The following LHFPL3 variants were observed in gnomAD, a reference collection of about 807,000 sequenced individuals.
LHFPL3 encodes the protein LHFPL tetraspan subfamily member 3, also known as LHFPL tetraspan subfamily member 3 protein.
In LHFPL3, 5 loss-of-function variants were observed where a neutral mutation model predicts 19.3. The observed-to-expected ratio is 0.26, with a 90% confidence interval of 0.14 to 0.54. The LOEUF (loss-of-function observed/expected upper bound fraction) is 0.54, where lower values mean the gene tolerates loss of function less well. LHFPL3 is among the 20% of genes least tolerant of loss of function. The pLI is 0.94. For missense variants in LHFPL3, 249 were observed against 307.4 expected (o/e 0.81, Z 1.42); for synonymous variants, 133 against 126.2 (o/e 1.05, Z -0.36).
chr7:104,583,188 C>T (rs1790496115), intron 1 of LHFPL3, among the ~76,000 whole-genome samples: 1 of 152,072 alleles, frequency 6.6e-6, no homozygotes, highest in Admixed American at 6.6e-5. Context: ...TTTGACAAAC[C>T]TGACAAAAAC....
intron 2 of LHFPL3, among the ~76,000 whole-genome samples, chr7:104,807,008 T>C (rs1790371960): frequency 1.9e-5 from 2 of 104,946 alleles, no homozygotes; most frequent in South Asian, 6.7e-4. Flanking sequence ...CACCAAAATA[T>C]ATATGTGTGT....
chr7:104,834,562 T>C (rs1467985469), intron 2 of LHFPL3, among the ~76,000 whole-genome samples: 1 of 151,990 alleles, frequency 6.6e-6, no homozygotes, highest in East Asian at 1.9e-4. Context: ...GATGGCAAGT[T>C]CAGCTGCTGA....
chr7:104,830,208 T>C (rs1179385069), intron 2 of LHFPL3, among the ~76,000 whole-genome samples: 1 of 151,906 alleles, frequency 6.6e-6, no homozygotes, highest in Non-Finnish European at 1.5e-5. Flanking sequence ...TTTGTTTGAG[T>C]TCATTGTAGA....
chr7:104,605,938 T>C (rs556066434), intron 1 of LHFPL3, among the ~76,000 whole-genome samples: 1 of 152,054 alleles, frequency 6.6e-6, no homozygotes, highest in Admixed American at 6.5e-5. Flanking sequence ...ATTTTTAAAA[T>C]AAATTTTATT....
intron 2 of LHFPL3, among the ~76,000 whole-genome samples, chr7:104,753,182 A>C (rs916504799): frequency 1.3e-5 from 2 of 152,218 alleles, no homozygotes; most frequent in East Asian, 3.9e-4. Flanking sequence ...TGGCCAGACC[A>C]CTATAATAGA....
chr7:104,904,023 G>T (rs1792547406), intron 2 of LHFPL3, among the ~76,000 whole-genome samples: 1 of 152,188 alleles, frequency 6.6e-6, no homozygotes, highest in Non-Finnish European at 1.5e-5. Context: ...TTTCCACAGT[G>T]GTTGATTGTT....
At chr7:104,884,123 T>C (rs575337451) in intron 2 of LHFPL3, among the ~76,000 whole-genome samples, 19 of 152,300 alleles carry the variant, frequency 1.2e-4, no homozygotes, top group African/African-American at 4.6e-4. Flanking sequence ...CATTAATACC[T>C]ATACCGTGCC....
intron 1 of LHFPL3, among the ~76,000 whole-genome samples, chr7:104,584,968 G>A (rs1429853192): frequency 6.6e-6 from 1 of 152,154 alleles, no homozygotes; most frequent in Admixed American, 6.5e-5. Context: ...TATGTTTTAT[G>A]TTTATACTGA....
At chr7:104,567,535 C>T (rs1020296623) in intron 1 of LHFPL3, among the ~76,000 whole-genome samples, 6 of 152,354 alleles carry the variant, frequency 3.9e-5, no homozygotes, top group East Asian at 3.9e-4. Flanking sequence ...TCAAATCCAA[C>T]GGATGAGTAG....
chr7:104,533,945 C>A (rs568659562), intron 1 of LHFPL3, among the ~76,000 whole-genome samples: 4 of 152,168 alleles, frequency 2.6e-5, no homozygotes, highest in African/African-American at 4.8e-5. Context: ...AAGGATGAGA[C>A]AAACCCCTAC....
rs1321778044 is a variant in LHFPL3 at position 104,590,372 on chromosome 7, C to A, written c.446-146303C>A. Among the ~76,000 whole-genome samples the A allele has an allele frequency of 5.3e-5, 8 of 152,162 alleles. No individual in the cohort carries two copies. The South Asian group carries it at 1.0e-3, about 20-fold the overall frequency. On this transcript the variant is annotated intron_variant, in intron 1 of 2. Transcript: ENST00000424859. Reference sequence around the variant, plus strand: ...TTTCTGCCTTCATTTCATTATGTACCCAGTAGTCATTCAGGAGCAGGTTGT... The same window carrying A: ...TTTCTGCCTTCATTTCATTATGTACACAGTAGTCATTCAGGAGCAGGTTGT...
At chr7:104,608,183 A>T (rs1339983614) in intron 1 of LHFPL3, among the ~76,000 whole-genome samples, 2 of 152,164 alleles carry the variant, frequency 1.3e-5, no homozygotes, top group Non-Finnish European at 2.9e-5. Flanking sequence ...GCTGCTATAA[A>T]GACACATGCA....
chr7:104,356,204 A>G (rs1013636945), intron 1 of LHFPL3, among the ~76,000 whole-genome samples: 18 of 152,338 alleles, frequency 1.2e-4, no homozygotes, highest in African/African-American at 4.1e-4. Context: ...AGGTGATGAG[A>G]AAGAACAGAA....
chr7:104,378,299 A>G (rs1409989287), intron 1 of LHFPL3, among the ~76,000 whole-genome samples: 2 of 152,230 alleles, frequency 1.3e-5, no homozygotes, highest in Non-Finnish European at 2.9e-5. Context: ...AAAATTTCAG[A>G]GAAATGAACT....
intron 2 of LHFPL3, among the ~76,000 whole-genome samples, chr7:104,747,548 T>C (rs4613926): frequency 0.3 from 45,780 of 152,134 alleles, 7,622 homozygotes; most frequent in East Asian, 0.67. Context: ...TTCCTCACCA[T>C]AAACACAGCA....
chr7:104,341,236 G>T (rs1334107219), intron 1 of LHFPL3, among the ~76,000 whole-genome samples: 2 of 152,098 alleles, frequency 1.3e-5, no homozygotes, highest in African/African-American at 4.8e-5. Flanking sequence ...TCAGATTTAT[G>T]CTCAAATGAA....
intron 1 of LHFPL3, among the ~76,000 whole-genome samples, chr7:104,502,413 T>TA (rs2115736100): frequency 6.6e-6 from 1 of 151,380 alleles, no homozygotes; most frequent in Admixed American, 6.6e-5. Context: ...ACTACCAAAT[T>TA]AAGGGTTAAG....
intron 1 of LHFPL3, among the ~76,000 whole-genome samples, chr7:104,666,064 C>T (rs1294040644): frequency 2.6e-5 from 4 of 152,074 alleles, no homozygotes; most frequent in Admixed American, 2.0e-4. Context: ...AATATTTGTA[C>T]ATTTGTACGG....
intron 2 of LHFPL3, among the ~76,000 whole-genome samples, chr7:104,754,656 G>A (rs1794249054): frequency 6.6e-6 from 1 of 152,172 alleles, no homozygotes; most frequent in Admixed American, 6.6e-5. Context: ...ATAAATGTTA[G>A]CAATAATTGC....
Sources: gnomAD v4.1 joint callset for allele counts (sites outside exome capture counted in the v4.1 genomes callset) on GRCh38, gnomAD v4.1.1 for gene constraint, MANE v1.5 for transcripts, NCBI Gene and HGNC (gene_info 2026-07-23, HGNC 2026-07-21) for gene names.